KCTD13: variants seen among roughly 807,000 people sequenced by gnomAD.
KCTD13 encodes BTB/POZ domain-containing adapter for CUL3-mediated RhoA degradation protein 1.
Under a neutral mutation model 32.3 loss-of-function variants are expected in KCTD13, and 15 were observed. The observed-to-expected ratio is 0.46, with a 90% CI of 0.31 to 0.71. The LOEUF (loss-of-function observed/expected upper bound fraction) is 0.71. Among genes scored for constraint, KCTD13 ranks in the 30% least tolerant of loss-of-function variants. The pLI is 0.05. For synonymous variants in KCTD13, 189 were observed against 200.1 expected, an observed-to-expected ratio of 0.94 and a Z score of 0.47; for missense variants, 337 against 452.6, an observed-to-expected ratio of 0.74 and a Z score of 2.32.
At chr16:29,918,613 G>A (rs2068851058) in intron 2 of KCTD13, among the ~76,000 whole-genome samples, 1 of 151,316 alleles carries the variant, frequency 6.6e-6, no homozygotes, top group African/African-American at 2.4e-5. Flanking sequence ...TGGGACTACA[G>A]GCACCCACCA....
chr16:29,911,744 T>A, intron 4 of KCTD13, 71 bp downstream of exon 4: 1 of 1,561,994 alleles, frequency 6.4e-7, no homozygotes, highest in South Asian at 1.1e-5. Flanking sequence ...GCCGTGGCCC[T>A]CGCCTTGGGC....
At chr16:29,910,851 C>T (rs1430925364) in intron 5 of KCTD13, 127 bp downstream of exon 5, 3 of 804,416 alleles carry the variant, frequency 3.7e-6, no homozygotes, top group Non-Finnish European at 5.9e-6. Flanking sequence ...CTGTTGTGCA[C>T]CCCAGACCCC....
chr16:29,907,406 G>A (rs1173322995), intron 5 of KCTD13, among the ~76,000 whole-genome samples: 1 of 152,160 alleles, frequency 6.6e-6, no homozygotes, highest in Non-Finnish European at 1.5e-5. Flanking sequence ...TATTGTTCTA[G>A]GCACTGCAAA....
intron 4 of KCTD13, 83 bp downstream of exon 4, chr16:29,911,732 T>C: frequency 6.8e-7 from 1 of 1,468,402 alleles, no homozygotes; most frequent in East Asian, 2.3e-5. Context: ...GCCCCCCGTG[T>C]GGCCGTGGCC....
chr16:29,923,498 C>T (rs11150574), intron 1 of KCTD13, 139 bp from the exon 2 acceptor site: 320,205 of 668,012 alleles, frequency 0.48, 81,049 homozygotes, highest in Non-Finnish European at 0.53. Context: ...CTCAAGTGAT[C>T]CTCCCATCTC....
At position 29,926,144 on chromosome 16, in the gene KCTD13, C is replaced by G; in HGVS notation, c.-111G>C. The G allele has an allele frequency of 8.2e-7, 1 of 1,218,292 alleles. No homozygotes were observed. Among genetic ancestry groups the G allele is most frequent in the African/African-American group, 1.6e-5 (1 of 61,960 alleles). The allele number at this position is 1,218,292 out of a possible 1,614,324, so 75.5% of individuals were successfully genotyped here. A position where few individuals can be genotyped will look rare whatever the true frequency, so the allele number is the denominator to read the frequency against. On this transcript the variant is annotated 5_prime_UTR_variant, in exon 1 of 6. Coordinates refer to ENST00000568000, the MANE Select transcript of KCTD13 (RefSeq NM_178863.5). ...CTTGGGCCAGACCGCTCGGCGCACACGCCCACTCACCGCAGCTACTCTGCA... is the reference window on the plus strand; with the variant it reads ...CTTGGGCCAGACCGCTCGGCGCACAGGCCCACTCACCGCAGCTACTCTGCA...
Position 29,911,970 on chromosome 16 carries a change from C to G in KCTD13, c.494G>C (p.Ser165Thr), listed in dbSNP as rs774197837. 3 of 1,611,302 alleles carry G rather than the reference C, an allele frequency of 1.9e-6. No homozygotes were observed. The change falls in exon 3 of 6, where the codon AGC becomes ACC. Residue 165 changes from serine (S) to threonine (T), a missense_variant. Physicochemically the swap from Ser to Thr is moderately conservative, Grantham distance 58. This residue lies in a region of KCTD13 where 252 missense variants were observed against 340.2 expected (regional missense o/e 0.74). Transcript: ENST00000568000. ...GCTTGGGGGCCTCACCTTGGAGGTG[C>G]TGGCCAGGAGCTGCTGCTCCTCCCG... ...SPREEQQLLA[S>T]TSKPVVKLLH... is the part of the protein sequence containing the mutation.
rs1438924885 is a variant in KCTD13, at chr16:29,911,048, C to T, written c.683G>A (p.Gly228Glu). ...CACCTCGGCGATTTTGCGGCCCTGC[C>T]CGTAGAAAGACCAGCAGCAGATCTC... ...GDEICCWSFY[G>E]QGRKIAEVCC... is the part of the protein sequence containing the mutation. The change falls in exon 5 of 6, where the codon GGG becomes GAG. Residue 228 changes from glycine (G) to glutamate (E), a missense_variant. By Grantham distance (98) the Gly-to-Glu change is moderately conservative. Coordinates refer to ENST00000568000, the MANE Select transcript of KCTD13 (RefSeq NM_178863.5). 6.2e-6 allele frequency: 10 copies of T among 1,614,038 alleles called. No homozygotes were observed. Among genetic ancestry groups the T allele is most frequent in the African/African-American group, 2.7e-5 (2 of 74,918 alleles).
chr16:29,906,757 A>C lies in KCTD13; in HGVS notation c.*115T>G. The stretch of plus-strand genomic sequence containing the variant: ...GTGAGCTGTGCCATGCAATGAAGGG[A>C]CAGAGGAGGACCCACGACTTGGCCA... On this transcript the variant is annotated 3_prime_UTR_variant, in exon 6 of 6. Coordinates refer to ENST00000568000, the MANE Select transcript of KCTD13 (RefSeq NM_178863.5). The C allele has an allele frequency of 2.4e-6, 2 of 819,628 alleles. No homozygotes were observed. Among genetic ancestry groups the C allele is most frequent in the Non-Finnish European group, 4.0e-6 (2 of 502,406 alleles). The allele number at this position is 819,628 out of a possible 1,614,324, so 50.8% of individuals were successfully genotyped here.
intron 5 of KCTD13, among the ~76,000 whole-genome samples, chr16:29,909,050 G>GATTCATTC (rs35566440): frequency 2.0e-5 from 3 of 151,286 alleles, no homozygotes; most frequent in East Asian, 1.9e-4. Flanking sequence ...CTGGGTCACT[G>GATTCATTC]ATTCATTCAT....
rs750161117 is a variant in KCTD13, at chr16:29,923,311, T to C, written c.293A>G (p.Asn98Ser). The C allele has an allele frequency of 5.3e-5, 86 of 1,613,912 alleles. No individual in the cohort carries two copies. Among genetic ancestry groups the C allele is most frequent in the Admixed American group, 2.3e-4 (14 of 59,992 alleles). The change falls in exon 2 of 6, where the codon AAT becomes AGT. Residue 98 changes from asparagine to serine, a missense_variant. By Grantham distance (46) the Asn-to-Ser change is conservative. Transcript: ENST00000568000. Reference sequence around the variant, plus strand: ...TGGCACAGACCCATCCCGCAGGTAATTGAGGATTGTACCAAAGTGACGGCC... The same window carrying C: ...TGGCACAGACCCATCCCGCAGGTAACTGAGGATTGTACCAAAGTGACGGCC... ...RSGRHFGTIL[N>S]YLRDGSVPLP...
At chr16:29,922,835 T>C (rs1181612567) in intron 2 of KCTD13, 3 of 404,706 alleles carry the variant, frequency 7.4e-6, no homozygotes, top group Admixed American at 8.5e-5. Flanking sequence ...TAGATGTTTT[T>C]CCCTAGTGAC....
Position 29,906,809 on chromosome 16 carries a change from G to T in KCTD13, c.*63C>A. The T allele has an allele frequency of 1.4e-6, 2 of 1,441,634 alleles. No homozygotes were observed. Among genetic ancestry groups the T allele is most frequent in the African/African-American group, 1.4e-5 (1 of 71,734 alleles). 89.3% of individuals were successfully genotyped at this position (1,441,634 alleles called of 1,614,324 possible). On this transcript the variant is annotated 3_prime_UTR_variant, in exon 6 of 6. Transcript: ENST00000568000. ...CAGAGCCGGGGCAAAAGTCTGGGAA[G>T]GGGAGGGAAAGAGAGAGGGACTGGG...
chr16:29,923,631 G>T (rs1251496771), intron 1 of KCTD13, among the ~76,000 whole-genome samples: 1 of 152,130 alleles, frequency 6.6e-6, no homozygotes, highest in Admixed American at 6.6e-5. Flanking sequence ...GGAGGCTGAG[G>T]CAGGCAGATC....
At chr16:29,919,171 G>A (rs531781675) in intron 2 of KCTD13, among the ~76,000 whole-genome samples, 10 of 152,258 alleles carry the variant, frequency 6.6e-5, no homozygotes, top group African/African-American at 1.4e-4. Context: ...AAACGATACC[G>A]GGAGTAAACA....
intron 5 of KCTD13, among the ~76,000 whole-genome samples, chr16:29,908,797 G>T (rs1045116938): frequency 6.6e-6 from 1 of 151,758 alleles, no homozygotes; most frequent in African/African-American, 2.4e-5. Context: ...CAACCTCCCG[G>T]GCTCAAGTGA....
intron 2 of KCTD13, chr16:29,912,328 C>T (rs2068728790): frequency 1.9e-6 from 1 of 523,362 alleles, no homozygotes; most frequent in South Asian, 2.5e-5. Context: ...GTCAGCGTGG[C>T]GTGTCCGTCA....
At position 29,926,122 on chromosome 16, in the gene KCTD13, G is replaced by A; in HGVS notation, c.-89C>T. ...GACCCTCGGCCGGCCCCCAGCCCTT[G>A]GGCCAGACCGCTCGGCGCACACGCC... On this transcript the variant is annotated 5_prime_UTR_variant, in exon 1 of 6. Coordinates refer to ENST00000568000, the MANE Select transcript of KCTD13 (RefSeq NM_178863.5). 1.5e-6 allele frequency: 2 copies of A among 1,363,586 alleles called. No homozygotes were observed. Among genetic ancestry groups the A allele is most frequent in the East Asian group, 2.8e-5 (1 of 35,160 alleles). 84.5% of individuals were successfully genotyped at this position (1,363,586 alleles called of 1,614,324 possible).
In KCTD13 at chr16:29,911,973, G is replaced by A. The variant is rs2068721441; in HGVS notation, c.491C>T (p.Ala164Val). 1 of 1,611,576 alleles carries A rather than the reference G, an allele frequency of 6.2e-7. No homozygotes were observed. Among genetic ancestry groups the A allele is most frequent in the Non-Finnish European group, 8.5e-7 (1 of 1,179,148 alleles). ...TSPREEQQLL[A>V]STSKPVVKLL... ...TGGGGGCCTCACCTTGGAGGTGCTG[G>A]CCAGGAGCTGCTGCTCCTCCCGGGG... Residue 164 changes from alanine (A) to valine (V), a missense_variant, in exon 3 of 6, where the codon GCC becomes GTC. Coordinates refer to ENST00000568000, the MANE Select transcript of KCTD13 (RefSeq NM_178863.5).
Sources: gnomAD v4.1 joint callset for allele counts (sites outside exome capture counted in the v4.1 genomes callset) on GRCh38, gnomAD v4.1.1 for gene constraint, gnomAD v4.1.1 regional missense constraint, MANE v1.5 for transcripts, NCBI Gene and HGNC (gene_info 2026-07-23, HGNC 2026-07-21) for gene names.